The following EHBP1 variants were observed in gnomAD, a reference collection of about 807,000 sequenced individuals.
The protein encoded by EHBP1 is EH domain-binding protein 1.
In EHBP1, 55 loss-of-function variants were observed where a neutral mutation model predicts 144.0. The ratio of observed to expected loss-of-function variants is 0.38; its 90% CI spans 0.31 to 0.48. The LOEUF is 0.48. Among genes scored for constraint, EHBP1 ranks in the 20% least tolerant of loss-of-function variants. EHBP1 has a pLI of 0.98. For missense variants in EHBP1, 1,200 were observed against 1,364.2 expected (o/e 0.88, Z 1.90); for synonymous variants, 469 against 472.7 (o/e 0.99, Z 0.10).
intron 3 of EHBP1, among the ~76,000 whole-genome samples, chr2:62,752,282 G>A (rs2039815837): frequency 6.6e-6 from 1 of 152,204 alleles, no homozygotes; most frequent in South Asian, 2.1e-4. Flanking sequence ...TTTCCATGTA[G>A]TTGAGCGGTT....
At chr2:62,685,189 A>G (rs1475679611) in intron 1 of EHBP1, among the ~76,000 whole-genome samples, 14 of 152,224 alleles carry the variant, frequency 9.2e-5, no homozygotes, top group Non-Finnish European at 2.9e-5. Flanking sequence ...TGTCATCACA[A>G]AAAAGATAAA....
At chr2:62,697,757 A>G (rs1005309754) in intron 1 of EHBP1, among the ~76,000 whole-genome samples, 4 of 152,240 alleles carry the variant, frequency 2.6e-5, no homozygotes, top group South Asian at 2.1e-4. Flanking sequence ...TGAAAAAGCT[A>G]TCATTCAAAG....
chr2:63,016,519 C>T (rs2060491217), intron 19 of EHBP1, among the ~76,000 whole-genome samples: 1 of 151,980 alleles, frequency 6.6e-6, no homozygotes, highest in Admixed American at 6.6e-5. Context: ...CAACCTCTGC[C>T]TCCCAGGTTC....
intron 19 of EHBP1, among the ~76,000 whole-genome samples, chr2:63,025,140 A>G (rs896057996): frequency 3.9e-5 from 6 of 152,386 alleles, no homozygotes; most frequent in Non-Finnish European, 5.9e-5. Flanking sequence ...CTTTAAAATC[A>G]TCCTACAAAA....
At chr2:62,801,672 T>A (rs954321935) in intron 5 of EHBP1, among the ~76,000 whole-genome samples, 1 of 152,246 alleles carries the variant, frequency 6.6e-6, no homozygotes. Flanking sequence ...CTTACATGTC[T>A]GTAATTAAGT....
intron 12 of EHBP1, 116 bp downstream of exon 12, chr2:62,943,966 G>C (rs1033395817): frequency 9.2e-5 from 60 of 653,752 alleles, no homozygotes; most frequent in Non-Finnish European, 1.5e-4. Context: ...ACTCACAGAG[G>C]GTTGTCTGCT....
In EHBP1 at chr2:62,758,476, CT is replaced by C. The variant is rs2040490499; in HGVS notation, c.163-5788del. Among the ~76,000 whole-genome samples the C allele has an allele frequency of 3.9e-5, 6 of 152,198 alleles. 1 individual carries two copies. The South Asian group carries it at 1.2e-3, about 31-fold the overall frequency. On this transcript the variant is annotated intron_variant, in intron 3 of 22. Transcript: ENST00000431489. ...AACACAATATGCAGCTTCCCTTCCT[CT>C]TCTCTTTAAGTCATGGCTTTTATAA...
At chr2:62,701,130 T>A (rs2034268513), upstream of EHBP1, among the ~76,000 whole-genome samples, 1 of 152,142 alleles carries the variant, frequency 6.6e-6, no homozygotes, top group African/African-American at 2.4e-5. Context: ...TTTCTCATCT[T>A]TGGGAAAGGA....
chr2:62,945,044 A>T (rs1370908708), intron 12 of EHBP1, among the ~76,000 whole-genome samples: 4 of 152,264 alleles, frequency 2.6e-5, no homozygotes, highest in Non-Finnish European at 5.9e-5. Flanking sequence ...TTATGAATTT[A>T]GGCAATAAAC....
intron 1 of EHBP1, among the ~76,000 whole-genome samples, chr2:62,692,809 T>A (rs1230221177): frequency 1.3e-5 from 2 of 152,200 alleles, no homozygotes; most frequent in East Asian, 3.9e-4. Context: ...TTTGATATAG[T>A]CATATAATGT....
At chr2:62,921,607 T>C (rs1373248691) in intron 10 of EHBP1, among the ~76,000 whole-genome samples, 1 of 151,726 alleles carries the variant, frequency 6.6e-6, no homozygotes, top group Non-Finnish European at 1.5e-5. Flanking sequence ...CAAAAAAGAC[T>C]ATGAGGCATA....
intron 10 of EHBP1, among the ~76,000 whole-genome samples, chr2:62,924,596 G>T (rs1224825053): frequency 1.3e-5 from 2 of 152,136 alleles, no homozygotes; most frequent in Non-Finnish European, 2.9e-5. Flanking sequence ...CAATAAATTT[G>T]AAAACCTAGA....
intron 3 of EHBP1, among the ~76,000 whole-genome samples, chr2:62,753,098 G>A (rs980415077): frequency 5.3e-5 from 8 of 152,144 alleles, no homozygotes; most frequent in Admixed American, 1.3e-4. Context: ...TCCTAGCATC[G>A]ATGGTCTTTA....
intron 19 of EHBP1, among the ~76,000 whole-genome samples, chr2:63,021,993 C>G (rs2060774062): frequency 3.3e-5 from 5 of 152,054 alleles, no homozygotes; most frequent in Admixed American, 2.6e-4. Context: ...CTCTCAAACT[C>G]CTGACTTCGT....
chr2:62,995,037 A>C (rs2059575005), intron 18 of EHBP1, among the ~76,000 whole-genome samples: 3 of 152,194 alleles, frequency 2.0e-5, no homozygotes, highest in South Asian at 2.1e-4. Flanking sequence ...TTATCTTTGC[A>C]AACTACTATA....
chr2:62,725,859 C>T (rs2036730353), intron 2 of EHBP1, among the ~76,000 whole-genome samples: 1 of 152,068 alleles, frequency 6.6e-6, no homozygotes, highest in South Asian at 2.1e-4. Context: ...AGCAGGTAGG[C>T]TGGTGCGTGG....
chr2:62,727,445 G>A (rs1034245818), intron 2 of EHBP1, among the ~76,000 whole-genome samples: 7 of 151,828 alleles, frequency 4.6e-5, no homozygotes, highest in Admixed American at 6.6e-5. Context: ...AAAAAATCCC[G>A]TACCTGTTAG....
chr2:62,696,799 G>A (rs1024781311), intron 1 of EHBP1, among the ~76,000 whole-genome samples: 8 of 151,908 alleles, frequency 5.3e-5, no homozygotes, highest in African/African-American at 4.8e-5. Flanking sequence ...TTACAGGCGT[G>A]AGCCACCACG....
intron 5 of EHBP1, among the ~76,000 whole-genome samples, chr2:62,813,659 C>T (rs1450684963): frequency 6.6e-6 from 1 of 152,184 alleles, no homozygotes; most frequent in Non-Finnish European, 1.5e-5. Flanking sequence ...TGAGGCCTAT[C>T]CCTGTGGCTT....
Sources: allele counts gnomAD v4.1 joint callset (sites outside exome capture counted in the v4.1 genomes callset), GRCh38; gene constraint gnomAD v4.1.1; transcripts MANE v1.5; gene names NCBI Gene and HGNC (gene_info 2026-07-23, HGNC 2026-07-21).